Variants in PPP2R2C observed in about 807,000 individuals in gnomAD.
PPP2R2C encodes the protein protein phosphatase 2 regulatory subunit Bgamma, also known as protein phosphatase 2, regulatory subunit B, gamma.
In PPP2R2C, 10 loss-of-function variants were observed where a neutral mutation model predicts 45.3. The ratio of observed to expected loss-of-function variants is 0.22; its 90% CI spans 0.14 to 0.37. The LOEUF (loss-of-function observed/expected upper bound fraction) is 0.37, where lower values mean the gene tolerates loss of function less well. PPP2R2C is among the 10% of genes least tolerant of loss of function. PPP2R2C has a pLI of 1.00. For missense variants in PPP2R2C, 308 were observed against 619.7 expected, an observed-to-expected ratio of 0.50 and a Z score of 5.34; for synonymous variants, 257 against 245.4, an observed-to-expected ratio of 1.05 and a Z score of -0.44.
At chr4:6,512,545 A>ATGGTGGTGGTGGTGG (rs1560595573) in intron 2 of PPP2R2C, among the ~76,000 whole-genome samples, 2 of 41,974 alleles carry the variant, frequency 4.8e-5, no homozygotes, top group African/African-American at 2.1e-4. Flanking sequence ...GATGGTGGTG[A>ATGGTGGTGGTGGTGG]TGGTGGTGAT....
chr4:6,395,059 C>T lies in PPP2R2C; in HGVS notation c.71-13965G>A, dbSNP rs569455534. On this transcript the variant is annotated intron_variant, in intron 1 of 8. Coordinates refer to ENST00000382599, the MANE Select transcript of PPP2R2C (RefSeq NM_020416.4). ...CACCTCTCACCCGCGAGCCTGCAGC[C>T]GCCTCCTCTCTGGATTTCCTGTCTT... Among the ~76,000 whole-genome samples the T allele has an allele frequency of 5.9e-5, 9 of 152,260 alleles. No homozygotes were observed. The South Asian group carries it at 6.2e-4, about 11-fold the overall frequency.
intron 1 of PPP2R2C, chr4:6,414,066 TTGCCTG>T: frequency 4.1e-6 from 6 of 1,472,026 alleles, no homozygotes; most frequent in South Asian, 4.0e-5. Flanking sequence ...AACATAAGTT[TTGCCTG>T]TGTATGTGTG....
chr4:6,390,008 A>G (rs4270639), intron 1 of PPP2R2C, among the ~76,000 whole-genome samples: 38,504 of 152,072 alleles, frequency 0.25, 5,285 homozygotes, highest in South Asian at 0.37. Context: ...ACCCACGTCT[A>G]TGAAAGAGAC....
chr4:6,337,406 GC>G (rs1733064216), intron 6 of PPP2R2C, among the ~76,000 whole-genome samples: 2 of 151,786 alleles, frequency 1.3e-5, no homozygotes, highest in Admixed American at 1.3e-4. Flanking sequence ...GGACCTGGTG[GC>G]CCCCAGCACC....
Position 6,472,201 on chromosome 4 carries a change from A to T in PPP2R2C, c.29T>A (p.Ile10Asn). ...GTGGTCCCGCAGGAAGCTGTGGTTA[A>T]TTTTCCGCGTGTCCGTGTCCTCGCC... MGEDTDTRKINHSFLRDHSY... is the reference protein window; with the variant it reads MGEDTDTRKNNHSFLRDHSY... Residue 10 changes from isoleucine (I) to asparagine (N), a missense_variant, in exon 1 of 9, where the codon ATT becomes AAT. Ile to Asn is a moderately radical substitution (Grantham distance 149). Transcript: ENST00000382599. 6.2e-7 allele frequency: 1 copy of T among 1,613,092 alleles called. No homozygotes were observed. The highest frequency in any genetic ancestry group is 8.5e-7 in the Non-Finnish European group (1 of 1,179,394).
intron 1 of PPP2R2C, among the ~76,000 whole-genome samples, chr4:6,429,986 A>T (rs1434746727): frequency 6.6e-6 from 1 of 152,212 alleles, no homozygotes; most frequent in Non-Finnish European, 1.5e-5. Flanking sequence ...CACACAGCAC[A>T]TCAGCAGAGG....
At chr4:6,494,488 A>G (rs1722810029) in intron 2 of PPP2R2C, among the ~76,000 whole-genome samples, 1 of 152,206 alleles carries the variant, frequency 6.6e-6, no homozygotes, top group South Asian at 2.1e-4. Flanking sequence ...CAAGGAGCTG[A>G]ATGTAACACC....
rs1732143626 is a variant in PPP2R2C, at chr4:6,328,595, G to T, written c.1052+667C>A. On this transcript the variant is annotated intron_variant, in intron 8 of 8. Coordinates refer to ENST00000382599, the MANE Select transcript of PPP2R2C (RefSeq NM_020416.4). This position sits in a 1 kb window ranked among gnomAD's most constrained non-coding sequence, Gnocchi z 4.4. ...GGACCCACGGGTAGAGGTCAGGTCA[G>T]GAGCCCCTGCCACAGCCCCCTTGTC... Among the ~76,000 whole-genome samples, 1 of 152,216 alleles carries T rather than the reference G, an allele frequency of 6.6e-6. No individual in the cohort carries two copies. Among genetic ancestry groups the T allele is most frequent in the Non-Finnish European group, 1.5e-5 (1 of 68,036 alleles).
chr4:6,361,707 A>G (rs1475923285), intron 5 of PPP2R2C, among the ~76,000 whole-genome samples: 1 of 152,200 alleles, frequency 6.6e-6, no homozygotes, highest in Non-Finnish European at 1.5e-5. Flanking sequence ...TCTGTGGTGA[A>G]TGGCATGCCT....
chr4:6,347,718 C>A (rs1004386664), intron 6 of PPP2R2C, 128 bp downstream of exon 6: 1 of 1,241,484 alleles, frequency 8.1e-7, no homozygotes, highest in Non-Finnish European at 1.1e-6. Context: ...TGGGCCCACC[C>A]ACCTTGGCCA....
intron 1 of PPP2R2C, among the ~76,000 whole-genome samples, chr4:6,556,771 A>C (rs1032199608): frequency 6.6e-6 from 1 of 151,754 alleles, no homozygotes; most frequent in Non-Finnish European, 1.5e-5. Context: ...CTCCCCCTGA[A>C]GTTTTGCCTC....
At chr4:6,544,959 T>G (rs1724930176) in intron 1 of PPP2R2C, among the ~76,000 whole-genome samples, 2 of 152,254 alleles carry the variant, frequency 1.3e-5, no homozygotes, top group Admixed American at 1.3e-4. Context: ...TCTTAAATTT[T>G]TTTTTATAAT....
chr4:6,393,301 C>A (rs879598488), intron 1 of PPP2R2C, among the ~76,000 whole-genome samples: 33 of 152,154 alleles, frequency 2.2e-4, no homozygotes, highest in Non-Finnish European at 4.6e-4. Context: ...ATGGATTTTG[C>A]CTACTCTGGA....
intron 1 of PPP2R2C, among the ~76,000 whole-genome samples, chr4:6,465,888 G>A (rs1030650773): frequency 2.0e-5 from 3 of 152,092 alleles, no homozygotes; most frequent in Admixed American, 2.0e-4. Context: ...TCTACCCTTG[G>A]TTCAATAATA....
rs536689618 is a variant in PPP2R2C at position 6,466,955 on chromosome 4, C to T, written c.70+5205G>A. On this transcript the variant is annotated intron_variant, in intron 1 of 8. Transcript: ENST00000382599. ...ACAATTTGGGGAAATTGACAGCAGT[C>T]GCCTTTTACACGTGTAGAACTTCAG... Among the ~76,000 whole-genome samples, 3 of 152,256 alleles carry T rather than the reference C, an allele frequency of 2.0e-5. 1 individual carries two copies. Among genetic ancestry groups the T allele is most frequent in the South Asian group, 4.1e-4 (2 of 4,826 alleles).
intron 2 of PPP2R2C, among the ~76,000 whole-genome samples, chr4:6,482,471 A>G (rs1282504225): frequency 1.3e-5 from 2 of 152,118 alleles, no homozygotes; most frequent in Admixed American, 1.3e-4. Context: ...CTTTTGTTAG[A>G]TTTTCTCTTA....
At chr4:6,377,757 T>C (rs1715449609) in intron 3 of PPP2R2C, among the ~76,000 whole-genome samples, 2 of 151,588 alleles carry the variant, frequency 1.3e-5, no homozygotes, top group South Asian at 4.2e-4. Flanking sequence ...GCAGGGGGCG[T>C]GAGTGGGGGA....
At chr4:6,348,781 AG>A in intron 5 of PPP2R2C, 5 of 847,612 alleles carry the variant, frequency 5.9e-6, no homozygotes, top group Non-Finnish European at 5.7e-6. Flanking sequence ...AAGAGTGCAG[AG>A]AAAGATCTGG....
intron 2 of PPP2R2C, among the ~76,000 whole-genome samples, chr4:6,520,517 C>G (rs199780725): frequency 6.6e-6 from 1 of 152,314 alleles, no homozygotes; most frequent in East Asian, 1.9e-4. Context: ...GAGGGGCTGC[C>G]TGAAACAGAG....
Sources: allele counts gnomAD v4.1 joint callset (sites outside exome capture counted in the v4.1 genomes callset), GRCh38; gene constraint gnomAD v4.1.1; non-coding constraint Gnocchi (gnomAD v3.1); transcripts MANE v1.5; gene names NCBI Gene and HGNC (gene_info 2026-07-23, HGNC 2026-07-21).